The following PCM1 variants were observed in gnomAD, a reference collection of about 807,000 sequenced individuals.
PCM1 encodes the protein pericentriolar material 1, also known as pericentriolar material 1 protein.
In PCM1, 157 loss-of-function variants were observed where a neutral mutation model predicts 241.9. The ratio of observed to expected loss-of-function variants is 0.65; its 90% CI spans 0.57 to 0.74. The LOEUF (loss-of-function observed/expected upper bound fraction) is 0.74, where lower values mean the gene tolerates loss of function less well. Ranked by LOEUF, PCM1 falls within the 30% of genes least tolerant of loss-of-function variation. The pLI is 0.00. For missense variants in PCM1, 3,478 were observed against 2,360.1 expected (o/e 1.47, Z -9.81); for synonymous variants, 1,085 against 784.9 (o/e 1.38, Z -6.39).
intron 24 of PCM1, chr8:17,983,256 C>T: frequency 7.6e-7 from 1 of 1,324,216 alleles, no homozygotes; most frequent in Non-Finnish European, 9.9e-7. Flanking sequence ...AATACTACAG[C>T]AGTCTAACAG....
rs1395554074 is a variant in PCM1 at position 18,027,723 on chromosome 8, TACTA to T, written c.*63_*66del. 4.1e-6 allele frequency: 5 copies of T among 1,211,076 alleles called. No individual in the cohort carries two copies. The African/African-American group carries it at 5.9e-5, about 14-fold the overall frequency. The allele number at this position is 1,211,076 out of a possible 1,614,324, so 75.0% of individuals were successfully genotyped here. On this transcript the variant is annotated 3_prime_UTR_variant, in exon 39 of 39. Transcript: ENST00000325083. ...ATACTCAATGCATATATGAAAACAATACTAAATAAACATCTGATCTGTATAAAAA... is the reference window on the plus strand; with the variant it reads ...ATACTCAATGCATATATGAAAACAATAATAAACATCTGATCTGTATAAAAA...
intron 6 of PCM1, among the ~76,000 whole-genome samples, chr8:17,942,011 A>G (rs796358972): frequency 7.9e-5 from 12 of 151,484 alleles, no homozygotes; most frequent in African/African-American, 2.9e-4. Context: ...TTTTTTTTCT[A>G]CTTTGTTATA....
chr8:17,931,208 A>G (rs901772674), intron 2 of PCM1, among the ~76,000 whole-genome samples: 17 of 152,218 alleles, frequency 1.1e-4, no homozygotes, highest in Non-Finnish European at 2.2e-4. Flanking sequence ...AGCCAGAAAT[A>G]GGTCTTTGGA....
intron 2 of PCM1, among the ~76,000 whole-genome samples, chr8:17,934,325 A>G (rs1250799880): frequency 6.6e-6 from 1 of 151,188 alleles, no homozygotes; most frequent in Non-Finnish European, 1.5e-5. Context: ...GCAGTGGTGC[A>G]GTCTCGGCTC....
chr8:17,948,064 TAA>T (rs895991013), intron 7 of PCM1, among the ~76,000 whole-genome samples: 14 of 152,136 alleles, frequency 9.2e-5, no homozygotes, highest in Admixed American at 6.5e-5. Flanking sequence ...TCAACAAAAC[TAA>T]GTTATGTTTT....
At position 17,939,745 on chromosome 8, in the gene PCM1, C is replaced by G; in HGVS notation, c.667C>G (p.Arg223Gly). The G allele has an allele frequency of 6.4e-7, 1 of 1,558,086 alleles. No homozygotes were observed. The highest frequency in any genetic ancestry group is 8.7e-7 in the Non-Finnish European group (1 of 1,147,416). The change falls in exon 6 of 39, where the codon CGG becomes GGG. Residue 223 changes from arginine to glycine, a missense_variant. By Grantham distance (125) the Arg-to-Gly change is moderately radical (BLOSUM62 -2). Coordinates refer to ENST00000325083, the MANE Select transcript of PCM1 (RefSeq NM_006197.4). ...TTATATTACTAAAGCTAGTTCCATG[C>G]GGGAAGATCTTGTAGAGAAAAATGA... is the stretch of plus-strand genomic sequence containing the variant. ...RDYITKASSM[R>G]EDLVEKNERS...
At chr8:17,930,254 C>G (rs56914612) in intron 2 of PCM1, among the ~76,000 whole-genome samples, 2,928 of 151,998 alleles carry the variant, frequency 0.019, 91 homozygotes, top group African/African-American at 0.068. Context: ...GTGCCCGCCA[C>G]CACGCCTGGC....
intron 29 of PCM1, among the ~76,000 whole-genome samples, chr8:17,995,850 A>C (rs924579667): frequency 1.3e-5 from 2 of 151,984 alleles, no homozygotes; most frequent in Non-Finnish European, 2.9e-5. Context: ...TGGCATATAG[A>C]AATGCTACTG....
At chr8:18,014,181 T>C in intron 35 of PCM1, 145 bp downstream of exon 35, 1 of 587,076 alleles carries the variant, frequency 1.7e-6, no homozygotes, top group East Asian at 3.0e-5. Context: ...TTCTTCTCCC[T>C]ATAAATCCTT....
chr8:17,964,683 G>T lies in PCM1; in HGVS notation c.2770G>T (p.Asp924Tyr). 6.2e-7 allele frequency: 1 copy of T among 1,613,944 alleles called. No homozygotes were observed. Among genetic ancestry groups the T allele is most frequent in the Non-Finnish European group, 8.5e-7 (1 of 1,179,818 alleles). ...RTDEEEEEEQ[D>Y]ASSNDNFSVC... ...AGATGAAGAGGAGGAAGAAGAGCAAGATGCCAGTTCCAATGATAACTTTTC... is the reference window on the plus strand; with the variant it reads ...AGATGAAGAGGAGGAAGAAGAGCAATATGCCAGTTCCAATGATAACTTTTC... Residue 924 changes from aspartate to tyrosine, a missense_variant, in exon 18 of 39, where the codon GAT becomes TAT. Asp to Tyr is a radical substitution (Grantham distance 160). Coordinates refer to ENST00000325083, the MANE Select transcript of PCM1 (RefSeq NM_006197.4).
At chr8:17,964,798 A>C (rs1289689926) in intron 18 of PCM1, 30 bp downstream of exon 18, 4 of 1,543,314 alleles carry the variant, frequency 2.6e-6, no homozygotes, top group African/African-American at 1.4e-5. Flanking sequence ...TTTTGTGCTT[A>C]ATTTAAGAGG....
chr8:17,981,978 G>T (rs940505237), intron 24 of PCM1, among the ~76,000 whole-genome samples: 1 of 151,846 alleles, frequency 6.6e-6, no homozygotes, highest in Non-Finnish European at 1.5e-5. Flanking sequence ...ACAAAAATTT[G>T]AAAGCAAAAA....
chr8:18,004,054 A>C (rs970908489), intron 29 of PCM1, among the ~76,000 whole-genome samples: 6 of 152,100 alleles, frequency 3.9e-5, no homozygotes, highest in Non-Finnish European at 8.8e-5. Context: ...AGGGTTAAAA[A>C]AAAAGCCTAA....
At chr8:17,945,769 T>C (rs1310539481) in intron 6 of PCM1, among the ~76,000 whole-genome samples, 1 of 152,150 alleles carries the variant, frequency 6.6e-6, no homozygotes, top group Non-Finnish European at 1.5e-5. Flanking sequence ...CAAATGTACA[T>C]AGCAAGTGTA....
At position 18,029,389 on chromosome 8, in the gene PCM1, A is replaced by C. The variant is rs989993213; in HGVS notation, c.*1727A>C. 4.7e-6 allele frequency: 1 copy of C among 214,334 alleles called. No individual in the cohort carries two copies. The highest frequency in any genetic ancestry group is 9.3e-6 in the Non-Finnish European group (1 of 107,610). 13.3% of individuals were successfully genotyped at this position (214,334 alleles called of 1,614,324 possible). A position where few individuals can be genotyped will look rare whatever the true frequency, so the allele number is the denominator to read the frequency against. On this transcript the variant is annotated 3_prime_UTR_variant, in exon 39 of 39. Coordinates refer to ENST00000325083, the MANE Select transcript of PCM1 (RefSeq NM_006197.4). ...CTAACTTCAGGGAAATTGGAACAAT[A>C]AGTTATGTTACATGCACACTCAAAT...
intron 7 of PCM1, among the ~76,000 whole-genome samples, chr8:17,948,294 C>CTTTTTTT (rs550672840): frequency 1.6e-5 from 1 of 63,950 alleles, no homozygotes; most frequent in African/African-American, 6.3e-5. Flanking sequence ...CAAATAACCT[C>CTTTTTTT]TTTTTTTTTT....
At chr8:17,994,527 T>G (rs13279395) in intron 29 of PCM1, among the ~76,000 whole-genome samples, 71,848 of 152,016 alleles carry the variant, frequency 0.47, 19,048 homozygotes, top group Non-Finnish European at 0.62. Context: ...TACACTGATG[T>G]CTTTTCTTTT....
At chr8:17,947,104 G>A (rs571301546) in intron 6 of PCM1, 82 bp from the exon 7 acceptor site, 1 of 764,226 alleles carries the variant, frequency 1.3e-6, no homozygotes, top group South Asian at 2.0e-5. Context: ...TGTTATCAAT[G>A]TGTATACTTT....
At position 17,969,393 on chromosome 8, in the gene PCM1, G is replaced by A. The variant is rs749901055; in HGVS notation, c.3413-184G>A. 1.3e-5 allele frequency: 7 copies of A among 520,352 alleles called. No homozygotes were observed. In the Admixed American group the frequency reaches 2.8e-4, roughly 20 times the overall value. The allele number at this position is 520,352 out of a possible 1,614,324, so 32.2% of individuals were successfully genotyped here. On this transcript the variant is annotated intron_variant, in intron 21 of 38. Coordinates refer to ENST00000325083, the MANE Select transcript of PCM1 (RefSeq NM_006197.4). ...GGATTATTAATTGTCTTTGACCAAT[G>A]CCTAAAACATAGTGGCCTAAGCTGT...
Sources: gnomAD v4.1 joint callset for allele counts (sites outside exome capture counted in the v4.1 genomes callset) on GRCh38, gnomAD v4.1.1 for gene constraint, MANE v1.5 for transcripts, NCBI Gene and HGNC (gene_info 2026-07-23, HGNC 2026-07-21) for gene names.